The following NTM variants were observed in gnomAD, a reference collection of about 807,000 sequenced individuals.
The protein encoded by NTM is IgLON family member 2.
Under a neutral mutation model 42.1 loss-of-function variants are expected in NTM, and 13 were observed. The ratio of observed to expected loss-of-function variants is 0.31; its 90% CI spans 0.20 to 0.49. NTM has a LOEUF of 0.49. Ranked by LOEUF, NTM falls within the 20% of genes least tolerant of loss-of-function variation. NTM has a pLI of 0.99. For synonymous variants in NTM, 187 were observed against 179.2 expected, an observed-to-expected ratio of 1.04 and a Z score of -0.35; for missense variants, 373 against 452.8, an observed-to-expected ratio of 0.82 and a Z score of 1.60.
intron 2 of NTM, among the ~76,000 whole-genome samples, chr11:132,062,162 T>G (rs1304210256): frequency 1.3e-5 from 2 of 152,126 alleles, no homozygotes; most frequent in Non-Finnish European, 2.9e-5. Context: ...CCACCCCAGG[T>G]GCAAAAAATT....
At position 131,900,133 on chromosome 11, in the gene NTM, G is replaced by T. The variant is rs532857547; in HGVS notation, c.83-11431G>T. ...TGGACTAGCACAGTGAGGCCTTCAT[G>T]AGCCAGTCAGAACCGAGAAGGGTGA... On this transcript the variant is annotated intron_variant, in intron 1 of 8. Transcript: ENST00000683400. 4.6e-5 allele frequency among the ~76,000 whole-genome samples: 7 copies of T among 152,352 alleles called. No homozygotes were observed. In the East Asian group the frequency reaches 1.3e-3, roughly 29 times the overall value.
chr11:131,982,353 A>G (rs2065382916), intron 2 of NTM, among the ~76,000 whole-genome samples: 2 of 152,198 alleles, frequency 1.3e-5, no homozygotes. Context: ...GCAAGAATGT[A>G]AAGAGAAAGA....
chr11:131,726,585 C>T (rs534712834), intron 1 of NTM, among the ~76,000 whole-genome samples: 1 of 151,398 alleles, frequency 6.6e-6, no homozygotes, highest in South Asian at 2.1e-4. Flanking sequence ...ACCATCACAG[C>T]CCTAAAATCT....
At position 131,404,209 on chromosome 11, in the gene NTM, G is replaced by A. The variant is rs149398014; in HGVS notation, c.82+33321G>A. Among the ~76,000 whole-genome samples the A allele has an allele frequency of 3.9e-3, 599 of 152,046 alleles. 4 individuals carry two copies. Among genetic ancestry groups the A allele is most frequent in the African/African-American group, 0.013 (557 of 41,448 alleles). The stretch of plus-strand genomic sequence containing the variant: ...TCGCACTTCCGCTTTCCAGCCTGGC[G>A]TTGGTCCACACCACCCCACTAAAGC... On this transcript the variant is annotated intron_variant, in intron 1 of 8. Coordinates refer to ENST00000683400, the MANE Select transcript of NTM (RefSeq NM_001352005.2).
At chr11:131,511,395 C>T (rs115386878) in intron 1 of NTM, among the ~76,000 whole-genome samples, 3,400 of 152,300 alleles carry the variant, frequency 0.022, 136 homozygotes, top group African/African-American at 0.078. Context: ...GACCCTCTGT[C>T]TTCGCCTGCC....
intron 1 of NTM, among the ~76,000 whole-genome samples, chr11:131,443,827 C>A (rs1010895591): frequency 6.6e-6 from 1 of 152,120 alleles, no homozygotes; most frequent in Non-Finnish European, 1.5e-5. Flanking sequence ...TGTGCAGAGA[C>A]CCACCCACCT....
At chr11:132,230,736 T>C (rs1488003881) in intron 4 of NTM, among the ~76,000 whole-genome samples, 2 of 152,200 alleles carry the variant, frequency 1.3e-5, no homozygotes, top group Non-Finnish European at 2.9e-5. Context: ...ATAAAACAAA[T>C]GCTCAGGATT....
At chr11:132,030,551 A>G (rs2075781639) in intron 2 of NTM, among the ~76,000 whole-genome samples, 2 of 152,332 alleles carry the variant, frequency 1.3e-5, no homozygotes, top group African/African-American at 4.8e-5. Flanking sequence ...AAATGGGACT[A>G]GAGATAGAGG....
chr11:132,074,456 C>T (rs1264273008), intron 2 of NTM, among the ~76,000 whole-genome samples: 1 of 151,988 alleles, frequency 6.6e-6, no homozygotes, highest in Non-Finnish European at 1.5e-5. Context: ...TGGATTCTTC[C>T]CTACTCTCAG....
intron 1 of NTM, among the ~76,000 whole-genome samples, chr11:131,743,651 C>T (rs2081450897): frequency 6.6e-6 from 1 of 152,164 alleles, no homozygotes; most frequent in South Asian, 2.1e-4. Context: ...TGCAAATACA[C>T]CTGCAAGCTA....
At position 132,305,766 on chromosome 11, in the gene NTM, C is replaced by T. The variant is rs1354950153; in HGVS notation, c.527-1923C>T. Among the ~76,000 whole-genome samples the T allele has an allele frequency of 2.6e-5, 4 of 152,312 alleles. No individual in the cohort carries two copies. In the East Asian group the frequency reaches 7.7e-4, roughly 29 times the overall value. The stretch of plus-strand genomic sequence containing the variant: ...GGTTAGTACCTTTCCCCTAAAGATG[C>T]TTATCAAACAATATTCATAAAGGCT... On this transcript the variant is annotated intron_variant, in intron 4 of 8. Coordinates refer to ENST00000683400, the MANE Select transcript of NTM (RefSeq NM_001352005.2).
chr11:131,492,446 A>G lies in NTM; in HGVS notation c.82+121558A>G, dbSNP rs545254195. 3.3e-5 allele frequency among the ~76,000 whole-genome samples: 5 copies of G among 152,318 alleles called. No individual in the cohort carries two copies. The South Asian group carries it at 6.2e-4, about 19-fold the overall frequency. On this transcript the variant is annotated intron_variant, in intron 1 of 8. Coordinates refer to ENST00000683400, the MANE Select transcript of NTM (RefSeq NM_001352005.2). ...GTATAACGCTAACACAGTACCTTCC[A>G]CAACTTCATAAAAAGGCATTGTTAT... is the stretch of plus-strand genomic sequence containing the variant.
At chr11:131,940,843 C>T (rs189359615) in intron 2 of NTM, among the ~76,000 whole-genome samples, 30 of 152,262 alleles carry the variant, frequency 2.0e-4, no homozygotes, top group Admixed American at 1.7e-3. Context: ...TGATAATTAT[C>T]GCAATTATTT....
At chr11:131,938,999 C>A (rs2059520820) in intron 2 of NTM, among the ~76,000 whole-genome samples, 1 of 152,066 alleles carries the variant, frequency 6.6e-6, no homozygotes, top group Admixed American at 6.5e-5. Flanking sequence ...GAAGAGTTTG[C>A]AGATGGATTT....
chr11:131,763,414 G>A (rs1319822540), intron 1 of NTM, among the ~76,000 whole-genome samples: 7 of 152,264 alleles, frequency 4.6e-5, no homozygotes, highest in South Asian at 2.1e-4. Flanking sequence ...AATGCAGGTC[G>A]TTGAAGAGTA....
At chr11:131,402,005 C>T (rs190723511) in intron 1 of NTM, among the ~76,000 whole-genome samples, 185 of 150,892 alleles carry the variant, frequency 1.2e-3, no homozygotes, top group African/African-American at 4.0e-3. Flanking sequence ...ACACCTTGCT[C>T]TTGTGGAATA....
chr11:131,839,074 C>T lies in NTM; in HGVS notation c.83-72490C>T, dbSNP rs527490302. On this transcript the variant is annotated intron_variant, in intron 1 of 8. Transcript: ENST00000683400. The stretch of plus-strand genomic sequence containing the variant: ...CTCCCGGGTTCATGCGATTCTCCTG[C>T]CTCAGCCTCCTGAGTAGCTGGGATT... Among the ~76,000 whole-genome samples, 55 of 151,980 alleles carry T rather than the reference C, an allele frequency of 3.6e-4. 1 individual carries two copies. In the South Asian group the frequency reaches 8.9e-3, roughly 25 times the overall value.
intron 4 of NTM, among the ~76,000 whole-genome samples, chr11:132,247,749 C>T (rs1395185537): frequency 6.6e-6 from 1 of 152,070 alleles, no homozygotes. Flanking sequence ...TACCTTCCTC[C>T]TTTCCTTTCC....
chr11:132,229,166 G>A (rs773647737), intron 4 of NTM, among the ~76,000 whole-genome samples: 48 of 152,122 alleles, frequency 3.2e-4, no homozygotes, highest in Non-Finnish European at 8.8e-5. Flanking sequence ...CGGTAGCTTG[G>A]CTATGTTCCA....
Sources: gnomAD v4.1 joint callset for allele counts (sites outside exome capture counted in the v4.1 genomes callset) on GRCh38, gnomAD v4.1.1 for gene constraint, MANE v1.5 for transcripts, NCBI Gene and HGNC (gene_info 2026-07-23, HGNC 2026-07-21) for gene names.